FRMD1: variants seen among roughly 807,000 people sequenced by gnomAD.
FRMD1 encodes the protein FERM domain-containing protein 1.
In FRMD1, 51 loss-of-function variants were observed where a neutral mutation model predicts 54.9. That is an observed-to-expected ratio of 0.93 (90% confidence interval 0.74 to 1.17). The LOEUF is 1.17. FRMD1 is among the 50% of genes most tolerant of loss of function. The probability of loss-of-function intolerance (pLI) is 0.00; values close to 1 mark genes in which losing one functional copy is unlikely to be tolerated. For synonymous variants in FRMD1, 324 were observed against 306.4 expected (o/e 1.06, Z -0.60); for missense variants, 729 against 743.0 (o/e 0.98, Z 0.22).
chr6:168,064,724 G>T, intron 5 of FRMD1, 147 bp downstream of exon 5: 1 of 1,394,068 alleles, frequency 7.2e-7, no homozygotes, highest in South Asian at 1.5e-5. Context: ...AGGACAGAAG[G>T]ACAGGTGATT....
chr6:168,067,716 C>A (rs1800115583), intron 2 of FRMD1, among the ~76,000 whole-genome samples: 1 of 152,248 alleles, frequency 6.6e-6, no homozygotes, highest in Admixed American at 6.5e-5. Context: ...ATGCTCCGGG[C>A]ACGCCCTTTG....
chr6:168,062,562 A>C, intron 7 of FRMD1: 1 of 1,139,688 alleles, frequency 8.8e-7, no homozygotes, highest in Non-Finnish European at 1.2e-6. Context: ...AGAGGCCGGC[A>C]GGAAGGGACC....
At chr6:168,088,518 C>T (rs1267948519) in intron 1 of FRMD1, among the ~76,000 whole-genome samples, 1 of 152,198 alleles carries the variant, frequency 6.6e-6, no homozygotes, top group Non-Finnish European at 1.5e-5. Context: ...AAACACTCGC[C>T]TTGTGGGACC....
Position 168,056,364 on chromosome 6 carries a change from C to G in FRMD1, c.*733G>C, listed in dbSNP as rs780669883. 6.6e-6 allele frequency: 1 copy of G among 152,322 alleles called. No homozygotes were observed. The highest frequency in any genetic ancestry group is 2.1e-4 in the South Asian group (1 of 4,838). The allele number at this position is 152,322 out of a possible 1,614,324, so 9.4% of individuals were successfully genotyped here. On this transcript the variant is annotated 3_prime_UTR_variant, in exon 11 of 11. Transcript: ENST00000283309. ...CAGGGCAATGGCTTAAGGAAGCCAC[C>G]TGTGAGCAGAGTGGGTCCTGAGGCC... is the stretch of plus-strand genomic sequence containing the variant.
At chr6:168,078,853 C>T (rs375605833) in intron 1 of FRMD1, 29 bp downstream of exon 1, 83 of 1,521,122 alleles carry the variant, frequency 5.5e-5, no homozygotes, top group Admixed American at 3.8e-4. Flanking sequence ...GCTCTGTTTA[C>T]CCCCACGGCC....
chr6:168,084,660 C>A (rs192174062), upstream of FRMD1, among the ~76,000 whole-genome samples: 212 of 152,346 alleles, frequency 1.4e-3, no homozygotes, highest in African/African-American at 4.8e-3. Flanking sequence ...TCCGTGAGAG[C>A]GCCTGCAGCC....
rs1799885767 is a variant in FRMD1, at chr6:168,063,763, A to G, written c.649-7T>C. 1.9e-6 allele frequency: 3 copies of G among 1,608,314 alleles called. No individual in the cohort carries two copies. In the South Asian group the frequency reaches 3.3e-5, roughly 18 times the overall value. On this transcript the variant is annotated splice_polypyrimidine_tract_variant and splice_region_variant and intron_variant, in intron 5 of 10. Coordinates refer to ENST00000283309, the MANE Select transcript of FRMD1 (RefSeq NM_024919.6). ...TCCCCCTCTTGGTGATGATCTGAGG[A>G]CAGAGCCGGGAGGTCAGCTCAGACC...
rs773523129 is a variant in FRMD1 at position 168,060,847 on chromosome 6, A to T, written c.1256T>A (p.Leu419Ter). The T allele has an allele frequency of 6.2e-7, 1 of 1,613,682 alleles. No homozygotes were observed. The highest frequency in any genetic ancestry group is 2.2e-5 in the East Asian group (1 of 44,874). ...ESREMSVDVPLEVHGLHEKEP... is the reference protein window; with the variant it reads ...ESREMSVDVP ...CTTCTCATGGAGCCCGTGGACCTCCAAGGGCACGTCCACAGACATCTCTCT... is the reference window on the plus strand; with the variant it reads ...CTTCTCATGGAGCCCGTGGACCTCCTAGGGCACGTCCACAGACATCTCTCT... Residue 419 changes from leucine (L) to a stop codon, truncating the protein, a stop_gained, in exon 9 of 11, where the codon TTG (leucine) becomes TAG (stop). Transcript: ENST00000283309. LOFTEE classifies it high-confidence loss of function.
chr6:168,065,688 C>A, intron 4 of FRMD1: 2 of 987,108 alleles, frequency 2.0e-6, no homozygotes, highest in Non-Finnish European at 1.2e-6. Flanking sequence ...ACCTGCCACA[C>A]AACCACATAC....
At chr6:168,083,316 G>A (rs1562434242), upstream of FRMD1, among the ~76,000 whole-genome samples, 2 of 152,198 alleles carry the variant, frequency 1.3e-5, no homozygotes, top group African/African-American at 2.4e-5. Flanking sequence ...AGACAGGATG[G>A]GCGCTGGAAA....
At position 168,064,955 on chromosome 6, in the gene FRMD1, G is replaced by C; in HGVS notation, c.564C>G (p.Cys188Trp). 5 of 1,611,538 alleles carry C rather than the reference G, an allele frequency of 3.1e-6. No individual in the cohort carries two copies. The highest frequency in any genetic ancestry group is 4.2e-6 in the Non-Finnish European group (5 of 1,179,650). ...GCTCGCCCAGGTCAGCCTGCAGCGC[G>C]CAGGCAGCCAGCAGGAAGTAGGCTT... is the stretch of plus-strand genomic sequence containing the variant. Reference protein sequence around the residue: ...REEAYFLLAACALQADLGEHR... With the variant: ...REEAYFLLAAWALQADLGEHR... Residue 188 changes from cysteine (C) to tryptophan (W), a missense_variant, in exon 5 of 11, where the codon TGC (cysteine) becomes TGG (tryptophan). Physicochemically the swap from Cys to Trp is radical, Grantham distance 215. Transcript: ENST00000283309.
rs535653365 is a variant in FRMD1 at position 168,087,517 on chromosome 6, C to T, written c.-11-8493G>A. Reference sequence around the variant, plus strand: ...AGAGAGGTTAAAGGGCCCTGTCAGCCGCACATCGTGAGACGGCTCTGTGGG... The same window carrying T: ...AGAGAGGTTAAAGGGCCCTGTCAGCTGCACATCGTGAGACGGCTCTGTGGG... On this transcript the variant is annotated intron_variant, in intron 1 of 12. Coordinates refer to the FRMD1 transcript ENST00000644440. Among the ~76,000 whole-genome samples, 26 of 152,354 alleles carry T rather than the reference C, an allele frequency of 1.7e-4. 1 individual carries two copies. In the South Asian group the frequency reaches 3.7e-3, roughly 22 times the overall value.
In FRMD1 at chr6:168,059,860, G is replaced by A. The variant is rs892254089; in HGVS notation, c.1343-672C>T. 5.3e-5 allele frequency among the ~76,000 whole-genome samples: 8 copies of A among 151,908 alleles called. No homozygotes were observed. The highest frequency in any genetic ancestry group is 1.9e-4 in the East Asian group (1 of 5,144). Reference sequence around the variant, plus strand: ...TGCATCCCTCAGGACAAGGTGCTGCGTCCTGGGCCAGGTGGACACATGGTC... The same window carrying A: ...TGCATCCCTCAGGACAAGGTGCTGCATCCTGGGCCAGGTGGACACATGGTC... On this transcript the variant is annotated intron_variant, in intron 9 of 10. Transcript: ENST00000283309. The surrounding 1 kb of genome is among the most constrained non-coding windows in gnomAD (Gnocchi z 4.4).
rs1446185985 is a variant in FRMD1 at position 168,061,829 on chromosome 6, C to T, written c.1023G>A (p.Leu341=). The part of the protein sequence containing the change: ...HLRVRPTLQQ[L]RQREEAEEKQ... ...CACCTTCTGCCTCCTCCCGCTGCCG[C>T]AGCTGTTGCAGAGTGGGCCGCACGC... The change falls in exon 8 of 11, where the codon CTG becomes CTA. Residue 341 remains leucine, a synonymous_variant. Transcript: ENST00000283309. 5.8e-6 allele frequency: 9 copies of T among 1,564,636 alleles called. No homozygotes were observed. Among genetic ancestry groups the T allele is most frequent in the Admixed American group, 1.9e-5 (1 of 53,622 alleles).
At chr6:168,063,923 T>A (rs1799893735) in intron 5 of FRMD1, among the ~76,000 whole-genome samples, 167 bp from the exon 6 acceptor site, 1 of 152,184 alleles carries the variant, frequency 6.6e-6, no homozygotes, top group African/African-American at 2.4e-5. Context: ...GAAGTCTCAG[T>A]GCCCACTGTG....
At chr6:168,084,588 C>G (rs1342555697), upstream of FRMD1, among the ~76,000 whole-genome samples, 1 of 152,232 alleles carries the variant, frequency 6.6e-6, no homozygotes, top group African/African-American at 2.4e-5. Context: ...CAGACTGCCT[C>G]TTCCCGTGGG....
At chr6:168,057,377 C>G (rs780460677) in intron 10 of FRMD1, 38 bp from the exon 11 acceptor site, 21 of 1,595,776 alleles carry the variant, frequency 1.3e-5, no homozygotes, top group South Asian at 1.0e-4. Context: ...CTGCTGCCCC[C>G]TCTCACTCCC....
At chr6:168,066,571 C>A in intron 4 of FRMD1, 184 bp downstream of exon 4, 1 of 1,407,316 alleles carries the variant, frequency 7.1e-7, no homozygotes. Context: ...AGTCTGTATA[C>A]CTTTCGATTA....
chr6:168,058,045 C>T (rs934572301), intron 10 of FRMD1, among the ~76,000 whole-genome samples: 16 of 152,266 alleles, frequency 1.1e-4, no homozygotes, highest in African/African-American at 3.9e-4. Flanking sequence ...GCAGCCGTCT[C>T]CTCCACTGAG....
Sources: allele counts gnomAD v4.1 joint callset (sites outside exome capture counted in the v4.1 genomes callset), GRCh38; gene constraint gnomAD v4.1.1; non-coding constraint Gnocchi (gnomAD v3.1); transcripts MANE v1.5; gene names NCBI Gene and HGNC (gene_info 2026-07-23, HGNC 2026-07-21).